DCAF10: variants seen among roughly 807,000 people sequenced by gnomAD.
DCAF10 encodes DDB1 and CUL4 associated factor 10.
Under a neutral mutation model 51.9 loss-of-function variants are expected in DCAF10, and 19 were observed. That is an observed-to-expected ratio of 0.37 (90% CI 0.26 to 0.54). The LOEUF (loss-of-function observed/expected upper bound fraction) is 0.54. Ranked by LOEUF, DCAF10 falls within the 20% of genes least tolerant of loss-of-function variation. The pLI, the probability that DCAF10 is intolerant of heterozygous loss-of-function variation, is 0.87. For missense variants in DCAF10, 510 were observed against 730.6 expected, an observed-to-expected ratio of 0.70 and a Z score of 3.48; for synonymous variants, 291 against 297.1, an observed-to-expected ratio of 0.98 and a Z score of 0.21.
At position 37,816,659 on chromosome 9, in the gene DCAF10, G is replaced by GGGGTGTGTGTGTGTGTGT. The variant is rs372664140; in HGVS notation, c.540-2628_540-2627insGGTGTGTGTGTGTGTGTG. Among the ~76,000 whole-genome samples the GGGGTGTGTGTGTGTGTGT allele has an allele frequency of 6.3e-3, 914 of 144,956 alleles. 3 individuals carry two copies. The highest frequency in any genetic ancestry group is 0.018 in the Middle Eastern group (5 of 272). ...AATCTCAATTAACATCTGCACCTGG[G>GGGGTGTGTGTGTGTGTGT]GTGTGTGTGTGTGTGTGTGTGTGTG... is the stretch of plus-strand genomic sequence containing the variant. On this transcript the variant is annotated intron_variant, in intron 1 of 6. Transcript: ENST00000377724.
At chr9:37,843,205 C>T (rs568867346) in intron 3 of DCAF10, among the ~76,000 whole-genome samples, 38 of 152,046 alleles carry the variant, frequency 2.5e-4, no homozygotes, top group South Asian at 1.0e-3. Flanking sequence ...TTTGTAGAGA[C>T]GGGGTCTCGC....
chr9:37,800,725 C>A, upstream of DCAF10: 2 of 1,535,222 alleles, frequency 1.3e-6, no homozygotes, highest in South Asian at 2.4e-5. Context: ...TCCCGGTCCC[C>A]GGCGGACGGT....
chr9:37,855,363 G>A (rs934650754), intron 4 of DCAF10, among the ~76,000 whole-genome samples: 2 of 152,112 alleles, frequency 1.3e-5, no homozygotes, highest in African/African-American at 4.8e-5. Flanking sequence ...TTAAATTATG[G>A]TCAATATAGA....
chr9:37,825,082 CA>C (rs924479715), intron 2 of DCAF10, among the ~76,000 whole-genome samples: 10 of 151,742 alleles, frequency 6.6e-5, no homozygotes, highest in African/African-American at 9.7e-5. Context: ...ATTAAAAAGT[CA>C]AAAAAATACA....
rs59549239 is a variant in DCAF10 at position 37,822,404 on chromosome 9, G to GATATATATATATAT, written c.653+3028_653+3041dup. ...ATCAATGAATGGATAAAGAAACTGT[G>GATATATATATATAT]ATATATATATATATATATATATATA... On this transcript the variant is annotated intron_variant, in intron 2 of 6. Transcript: ENST00000377724. Among the ~76,000 whole-genome samples, 213 of 124,556 alleles carry GATATATATATATAT rather than the reference G, an allele frequency of 1.7e-3. 1 individual carries two copies. Among genetic ancestry groups the GATATATATATATAT allele is most frequent in the East Asian group, 3.0e-3 (12 of 3,978 alleles). 81.7% of individuals were successfully genotyped at this position (124,556 alleles called of 152,430 possible).
chr9:37,828,073 A>G (rs1408367926), intron 2 of DCAF10, among the ~76,000 whole-genome samples: 1 of 152,026 alleles, frequency 6.6e-6, no homozygotes. Context: ...CTTTTTGTAG[A>G]GACAGGGTCT....
At chr9:37,821,797 C>T (rs541166157) in intron 2 of DCAF10, among the ~76,000 whole-genome samples, 6 of 151,950 alleles carry the variant, frequency 3.9e-5, no homozygotes, top group African/African-American at 1.5e-4. Context: ...TTTGGCATGG[C>T]GAAAGGAACA....
chr9:37,811,545 C>T (rs188641461), intron 1 of DCAF10, among the ~76,000 whole-genome samples: 1 of 151,792 alleles, frequency 6.6e-6, no homozygotes, highest in East Asian at 1.9e-4. Context: ...TAGCAGAGAA[C>T]TAGAAGCTAA....
At chr9:37,834,213 C>T (rs926653452) in intron 2 of DCAF10, among the ~76,000 whole-genome samples, 5 of 152,114 alleles carry the variant, frequency 3.3e-5, no homozygotes, top group African/African-American at 4.8e-5. Context: ...ACTGGAATTA[C>T]GGGAGTGAGA....
At position 37,866,590 on chromosome 9, in the gene DCAF10, C is replaced by T. The variant is rs564795212; in HGVS notation, c.*5082C>T. ...TTATGAGCTTTGGACATGAGATAAC[C>T]GTGCCTGTTCAGAGTGTCTACAGTA... On this transcript the variant is annotated 3_prime_UTR_variant, in exon 7 of 7. Coordinates refer to ENST00000377724, the MANE Select transcript of DCAF10 (RefSeq NM_024345.5). 5.8e-4 allele frequency: 88 copies of T among 152,476 alleles called. No homozygotes were observed. The highest frequency in any genetic ancestry group is 2.0e-3 in the African/African-American group (83 of 41,540). The allele number at this position is 152,476 out of a possible 1,614,324, so 9.4% of individuals were successfully genotyped here.
At chr9:37,858,994 T>C (rs974906618) in intron 5 of DCAF10, among the ~76,000 whole-genome samples, 5 of 152,236 alleles carry the variant, frequency 3.3e-5, no homozygotes, top group African/African-American at 7.2e-5. Flanking sequence ...AACCACCTAC[T>C]TAGAATGCAT....
intron 2 of DCAF10, among the ~76,000 whole-genome samples, chr9:37,831,298 A>G (rs1830001097): frequency 6.6e-6 from 1 of 152,188 alleles, no homozygotes. Flanking sequence ...TAATAATACT[A>G]ACTTCCATTT....
intron 1 of DCAF10, among the ~76,000 whole-genome samples, chr9:37,806,512 C>T (rs763253997): frequency 6.6e-6 from 1 of 152,188 alleles, no homozygotes; most frequent in Non-Finnish European, 1.5e-5. Flanking sequence ...TCATATCACT[C>T]TCACATGGCC....
intron 1 of DCAF10, among the ~76,000 whole-genome samples, chr9:37,815,849 A>G (rs913352040): frequency 6.6e-6 from 1 of 152,160 alleles, no homozygotes; most frequent in African/African-American, 2.4e-5. Context: ...GCTGGAGTGC[A>G]GTGGCATGAT....
Position 37,862,288 on chromosome 9 carries a change from G to A in DCAF10, c.*780G>A, listed in dbSNP as rs1831040314. The A allele has an allele frequency of 2.0e-5, 3 of 152,606 alleles. No individual in the cohort carries two copies. The highest frequency in any genetic ancestry group is 7.2e-5 in the African/African-American group (3 of 41,448). 9.5% of individuals were successfully genotyped at this position (152,606 alleles called of 1,614,324 possible). On this transcript the variant is annotated 3_prime_UTR_variant, in exon 7 of 7. Coordinates refer to ENST00000377724, the MANE Select transcript of DCAF10 (RefSeq NM_024345.5). ...CCTATCAACAGCATTAGAAAGGAAA[G>A]GAGACAGAATGAGCTTTGGTTATTT...
chr9:37,844,904 AT>A (rs142389700), intron 3 of DCAF10, among the ~76,000 whole-genome samples: 19,447 of 152,186 alleles, frequency 0.13, 1,401 homozygotes, highest in Non-Finnish European at 0.16. Context: ...TATTACACAT[AT>A]TTAGATTTCT....
rs1340842906 is a variant in DCAF10 at position 37,862,938 on chromosome 9, C to T, written c.*1430C>T. The stretch of plus-strand genomic sequence containing the variant: ...GATTCTGATTCAGCCAGGGGGAGGA[C>T]AGGAATCTGTATTTTTCATAGCAAC... On this transcript the variant is annotated 3_prime_UTR_variant, in exon 7 of 7. Transcript: ENST00000377724. The T allele has an allele frequency of 6.6e-6, 1 of 152,124 alleles. No individual in the cohort carries two copies. The highest frequency in any genetic ancestry group is 1.5e-5 in the Non-Finnish European group (1 of 68,036). The allele number at this position is 152,124 out of a possible 1,614,324, so 9.4% of individuals were successfully genotyped here.
rs1466902222 is a variant in DCAF10 at position 37,863,473 on chromosome 9, T to C, written c.*1965T>C. 1 of 152,194 alleles carries C rather than the reference T, an allele frequency of 6.6e-6. No homozygotes were observed. The highest frequency in any genetic ancestry group is 6.5e-5 in the Admixed American group (1 of 15,282). The allele number at this position is 152,194 out of a possible 1,614,324, so 9.4% of individuals were successfully genotyped here. Reference sequence around the variant, plus strand: ...ATACCTTAGAATGGAATCATTTGCATTATTTGACAAATGAGAGAAGTGACA... The same window carrying C: ...ATACCTTAGAATGGAATCATTTGCACTATTTGACAAATGAGAGAAGTGACA... On this transcript the variant is annotated 3_prime_UTR_variant, in exon 7 of 7. Coordinates refer to ENST00000377724, the MANE Select transcript of DCAF10 (RefSeq NM_024345.5).
intron 1 of DCAF10, among the ~76,000 whole-genome samples, chr9:37,806,443 A>C (rs1829116741): frequency 6.6e-6 from 1 of 152,176 alleles, no homozygotes; most frequent in African/African-American, 2.4e-5. Flanking sequence ...CAACACACAA[A>C]AAAATCCATA....
Sources: gnomAD v4.1 joint callset for allele counts (sites outside exome capture counted in the v4.1 genomes callset) on GRCh38, gnomAD v4.1.1 for gene constraint, MANE v1.5 for transcripts, NCBI Gene and HGNC (gene_info 2026-07-23, HGNC 2026-07-21) for gene names.